NOC2L: variants seen among roughly 807,000 people sequenced by gnomAD.
The protein encoded by NOC2L is nucleolar complex protein 2 homolog.
NOC2L carries 101 observed loss-of-function variants against 94.2 expected under a neutral mutation model. The observed-to-expected ratio is 1.07, with a 90% CI of 0.91 to 1.26. The LOEUF is 1.26. Among genes scored for constraint, NOC2L ranks in the 50% most tolerant of loss-of-function variants. The pLI is 0.00. For synonymous variants in NOC2L, 531 were observed against 413.4 expected (o/e 1.28, Z -3.45); for missense variants, 1,076 against 980.1 (o/e 1.10, Z -1.31).
chr1:958,108 G>A (rs1282822584), intron 2 of NOC2L: 2 of 125,050 alleles, frequency 1.6e-5, no homozygotes, highest in Non-Finnish European at 3.1e-5. Flanking sequence ...TCACTCTGTC[G>A]CCCAGGCTGG....
chr1:953,378 G>T (rs1642310189), intron 8 of NOC2L, 90 bp from the exon 9 acceptor site: 5 of 749,244 alleles, frequency 6.7e-6, no homozygotes, highest in South Asian at 6.3e-5. Flanking sequence ...CCAGGCAAAG[G>T]CTCCCATGGC....
chr1:952,574 G>T lies in NOC2L; in HGVS notation c.1029C>A (p.Asn343Lys). 1 of 1,613,872 alleles carries T rather than the reference G, an allele frequency of 6.2e-7. No homozygotes were observed. The change falls in exon 10 of 19, where the codon AAC (asparagine) becomes AAA (lysine). Residue 343 changes from asparagine (N) to lysine (K), a missense_variant. Coordinates refer to ENST00000327044, the MANE Select transcript of NOC2L (RefSeq NM_015658.4). ...GGGCACCAGGCGAGGTGAACTTGCA[G>T]TTCCTCACATACGTGATGTACATTT... ...LKQMYITYVRNCKFTSPGALP... is the reference protein window; with the variant it reads ...LKQMYITYVRKCKFTSPGALP...
rs760003104 is a variant in NOC2L at position 946,374 on chromosome 1, G to A, written c.1803+28C>T. On this transcript the variant is annotated intron_variant, in intron 15 of 18. Transcript: ENST00000327044. ...GGCTATACCCTGGCAGGTGCCCTCA[G>A]GTGGCACTACCCCCAGGGCCCACTA... is the stretch of plus-strand genomic sequence containing the variant. 2.0e-5 allele frequency: 33 copies of A among 1,613,282 alleles called. No homozygotes were observed. The Middle Eastern group carries it at 6.6e-4, about 32-fold the overall frequency.
rs549061523 is a variant in NOC2L, at chr1:948,000, G to A, written c.1659+131C>T. 49 of 709,536 alleles carry A rather than the reference G, an allele frequency of 6.9e-5. No individual in the cohort carries two copies. In the East Asian group the frequency reaches 8.2e-4, roughly 12 times the overall value. The allele number at this position is 709,536 out of a possible 1,614,324, so 44.0% of individuals were successfully genotyped here. A position where few individuals can be genotyped will look rare whatever the true frequency, so the allele number is the denominator to read the frequency against. On this transcript the variant is annotated intron_variant, in intron 14 of 18. Coordinates refer to ENST00000327044, the MANE Select transcript of NOC2L (RefSeq NM_015658.4). The stretch of plus-strand genomic sequence containing the variant: ...CCTCCAAGGGGGCCTCACGGGGCGC[G>A]TTGCCAGCAGTCAGGTTCCACCCCA...
At chr1:957,544 T>C in intron 2 of NOC2L, 1 of 458,358 alleles carries the variant, frequency 2.2e-6, no homozygotes, top group Non-Finnish European at 4.0e-6. Flanking sequence ...CGGTCTTCCC[T>C]GGACTTGCTG....
intron 15 of NOC2L, 53 bp from the exon 16 acceptor site, chr1:946,339 A>T (rs779646082): frequency 7.6e-5 from 123 of 1,611,120 alleles, no homozygotes; most frequent in Non-Finnish European, 1.0e-4. Context: ...AAACCCCCAC[A>T]TGTAGCTGGG....
In NOC2L at chr1:944,536, G is replaced by C; in HGVS notation, c.*158C>G. ...CCCAGCCCAGCCCAGCTCTCGATAC[G>C]TTTGGTCTTTCATGCTGAAAAATAA... On this transcript the variant is annotated 3_prime_UTR_variant, in exon 19 of 19. Transcript: ENST00000327044. 1.6e-6 allele frequency: 1 copy of C among 626,446 alleles called. No homozygotes were observed. The highest frequency in any genetic ancestry group is 2.7e-6 in the Non-Finnish European group (1 of 369,626). The allele number at this position is 626,446 out of a possible 1,614,324, so 38.8% of individuals were successfully genotyped here. A position where few individuals can be genotyped will look rare whatever the true frequency, so the allele number is the denominator to read the frequency against.
Position 944,709 on chromosome 1 carries a change from G to A in NOC2L, c.2235C>T (p.Leu745=). ...GPEDELEDLQ[L]SEDD ...ATGGGCTGCCTCAGTCGTCCTCTGA[G>A]AGCTGCAGATCCTCCAGCTCGTCCT... Residue 745 remains leucine (L), a synonymous_variant, in exon 19 of 19, where the codon CTC becomes CTT. Transcript: ENST00000327044. The A allele has an allele frequency of 6.3e-7, 1 of 1,598,396 alleles. No individual in the cohort carries two copies. The highest frequency in any genetic ancestry group is 8.5e-7 in the Non-Finnish European group (1 of 1,177,710).
chr1:948,849 A>C (rs1214048811), intron 12 of NOC2L, among the ~76,000 whole-genome samples: 1 of 152,122 alleles, frequency 6.6e-6, no homozygotes, highest in Non-Finnish European at 1.5e-5. Context: ...ATCAGCAGGG[A>C]AGGATCAGGA....
At position 946,449 on chromosome 1, in the gene NOC2L, T is replaced by C; in HGVS notation, c.1756A>G (p.Ser586Gly). 1 of 1,613,344 alleles carries C rather than the reference T, an allele frequency of 6.2e-7. No homozygotes were observed. The highest frequency in any genetic ancestry group is 8.5e-7 in the Non-Finnish European group (1 of 1,180,000). The change falls in exon 15 of 19, where the codon AGC becomes GGC. Residue 586 changes from serine (S) to glycine (G), a missense_variant. Physicochemically the swap from Ser to Gly is moderately conservative, Grantham distance 56 (BLOSUM62 0). This residue lies in a region of NOC2L where 615 missense variants were observed against 577.4 expected (regional missense o/e 1.07). Transcript: ENST00000327044. Reference sequence around the variant, plus strand: ...CCGAAGGAAACCCTCTGGCGGCGGCTGCAGATGTATGCCGAGTTCTCCTGA... The same window carrying C: ...CCGAAGGAAACCCTCTGGCGGCGGCCGCAGATGTATGCCGAGTTCTCCTGA... ...KVQENSAYIC[S>G]RRQRVSFGVS...
chr1:946,989 G>A lies in NOC2L; in HGVS notation c.1660-444C>T, dbSNP rs545355363. 290 of 173,564 alleles carry A rather than the reference G, an allele frequency of 1.7e-3. 2 individuals carry two copies. Among genetic ancestry groups the A allele is most frequent in the African/African-American group, 6.5e-3 (272 of 41,954 alleles). 10.8% of individuals were successfully genotyped at this position (173,564 alleles called of 1,614,324 possible). A position where few individuals can be genotyped will look rare whatever the true frequency, so the allele number is the denominator to read the frequency against. ...GGAGAATCGCTTGAGCCCAGGAGAT[G>A]GAGATTGCAGTGAGCCGAGATCGCA... On this transcript the variant is annotated intron_variant, in intron 14 of 18. Transcript: ENST00000327044.
In NOC2L at chr1:945,157, A is replaced by C; in HGVS notation, c.2054-11T>G. Reference sequence around the variant, plus strand: ...GGGGCCTCAGTATCCCTGAGGAACAAGAAGCAGAGTCCATATGACTCCCAC... The same window carrying C: ...GGGGCCTCAGTATCCCTGAGGAACACGAAGCAGAGTCCATATGACTCCCAC... On this transcript the variant is annotated splice_polypyrimidine_tract_variant and intron_variant, in intron 17 of 18. Coordinates refer to ENST00000327044, the MANE Select transcript of NOC2L (RefSeq NM_015658.4). 1 of 1,591,186 alleles carries C rather than the reference A, an allele frequency of 6.3e-7. No homozygotes were observed. The highest frequency in any genetic ancestry group is 1.1e-5 in the South Asian group (1 of 88,378).
At chr1:953,587 G>A (rs921316749) in intron 8 of NOC2L, among the ~76,000 whole-genome samples, 195 bp downstream of exon 8, 3 of 152,242 alleles carry the variant, frequency 2.0e-5, no homozygotes, top group East Asian at 1.9e-4. Context: ...CGCGCTGCCC[G>A]GGCAGGCAGG....
chr1:952,475 G>A lies in NOC2L; in HGVS notation c.1128C>T (p.His376=), dbSNP rs1642286826. 2.5e-6 allele frequency: 4 copies of A among 1,613,680 alleles called. No individual in the cohort carries two copies. The highest frequency in any genetic ancestry group is 1.1e-5 in the South Asian group (1 of 91,092). ...LALEPGVAYQ[H]AFLYIRQLAI... ...CGAGCTGGCGGATGTAGAGGAAGGC[G>A]TGCTGGTAGGCCACACCCGGCTCCA... is the stretch of plus-strand genomic sequence containing the variant. Residue 376 remains histidine, a synonymous_variant, in exon 10 of 19, where the codon CAC becomes CAT. Coordinates refer to ENST00000327044, the MANE Select transcript of NOC2L (RefSeq NM_015658.4).
At position 944,623 on chromosome 1, in the gene NOC2L, C is replaced by G; in HGVS notation, c.*71G>C. The G allele has an allele frequency of 1.0e-6, 1 of 952,598 alleles. No individual in the cohort carries two copies. The highest frequency in any genetic ancestry group is 1.4e-5 in the South Asian group (1 of 71,070). The allele number at this position is 952,598 out of a possible 1,614,324, so 59.0% of individuals were successfully genotyped here. A position where few individuals can be genotyped will look rare whatever the true frequency, so the allele number is the denominator to read the frequency against. ...ACTGCACAGACGCCAGCCTCTAGGC[C>G]TGACTGCCAGGGAGGTGGAAACACT... On this transcript the variant is annotated 3_prime_UTR_variant, in exon 19 of 19. Transcript: ENST00000327044.
chr1:959,029 C>A lies in NOC2L; in HGVS notation c.79G>T (p.Glu27Ter), dbSNP rs910730866. ...DEFLASGFDS[E>*]SESESENSPQ... The stretch of plus-strand genomic sequence containing the variant: ...GAATTTTCGGACTCGGATTCGGACT[C>A]GGAGTCAAAGCCCGAAGCTAGGAAC... The change falls in exon 2 of 19, where the codon GAG becomes TAG. Residue 27 changes from glutamate to a stop codon, truncating the protein, a stop_gained. Transcript: ENST00000327044. LOFTEE classifies it high-confidence loss of function. The A allele has an allele frequency of 6.2e-7, 1 of 1,612,294 alleles. No individual in the cohort carries two copies. Among genetic ancestry groups the A allele is most frequent in the African/African-American group, 1.3e-5 (1 of 75,064 alleles).
In NOC2L at chr1:959,058, T is replaced by C. The variant is rs1365774663; in HGVS notation, c.50A>G (p.Asp17Gly). The change falls in exon 2 of 19, where the codon GAC (aspartate) becomes GGC (glycine). Residue 17 changes from aspartate to glycine, a missense_variant. Around this residue, in one of 3 missense-constraint regions of NOC2L, gnomAD observed 457 missense variants for 386.0 expected, o/e 1.18. Coordinates refer to ENST00000327044, the MANE Select transcript of NOC2L (RefSeq NM_015658.4). Reference sequence around the variant, plus strand: ...GTCAAAGCCCGAAGCTAGGAACTCGTCCACCGTCAGCTCCGCCAGGCGCCT... The same window carrying C: ...GTCAAAGCCCGAAGCTAGGAACTCGCCCACCGTCAGCTCCGCCAGGCGCCT... ...RKRRLAELTV[D>G]EFLASGFDSE... 6.2e-7 allele frequency: 1 copy of C among 1,609,828 alleles called. No homozygotes were observed. Among genetic ancestry groups the C allele is most frequent in the Non-Finnish European group, 8.5e-7 (1 of 1,177,844 alleles).
intron 14 of NOC2L, among the ~76,000 whole-genome samples, chr1:947,439 G>A (rs182213768): frequency 3.9e-4 from 60 of 152,366 alleles, no homozygotes; most frequent in Non-Finnish European, 6.6e-4. Flanking sequence ...GCTCATGTGA[G>A]CAGATCCCTC....
chr1:944,375 G>A lies in NOC2L; in HGVS notation c.*319C>T, dbSNP rs1642020410. On this transcript the variant is annotated 3_prime_UTR_variant, in exon 19 of 19. Coordinates refer to ENST00000327044, the MANE Select transcript of NOC2L (RefSeq NM_015658.4). The stretch of plus-strand genomic sequence containing the variant: ...CGAGGTCTGCAGACGGAGGGCAGAG[G>A]TGGTGGAAGGGGCCAGGGGCCTGCA... 10 of 1,347,610 alleles carry A rather than the reference G, an allele frequency of 7.4e-6. No individual in the cohort carries two copies. Among genetic ancestry groups the A allele is most frequent in the East Asian group, 5.7e-5 (2 of 35,048 alleles). 83.5% of individuals were successfully genotyped at this position (1,347,610 alleles called of 1,614,324 possible).
Sources: gnomAD v4.1 joint callset for allele counts (sites outside exome capture counted in the v4.1 genomes callset) on GRCh38, gnomAD v4.1.1 for gene constraint, gnomAD v4.1.1 regional missense constraint, MANE v1.5 for transcripts, NCBI Gene and HGNC (gene_info 2026-07-23, HGNC 2026-07-21) for gene names.